Variants in CYP2B6 observed in about 807,000 individuals in gnomAD.
CYP2B6 encodes the protein cytochrome P450 family 2 subfamily B member 6.
A neutral mutation model predicts 43.4 loss-of-function variants in CYP2B6; 35 were observed. That is an observed-to-expected ratio of 0.81 (90% CI 0.62 to 1.07). The LOEUF is 1.07. Ranked by LOEUF, CYP2B6 falls within the 50% of genes least tolerant of loss-of-function variation. The pLI is 0.00. For missense variants in CYP2B6, 624 were observed against 632.8 expected (o/e 0.99, Z 0.15); for synonymous variants, 239 against 239.2 (o/e 1.00, Z 0.01).
chr19:41,014,987 G>T (rs1323658328), intron 8 of CYP2B6, among the ~76,000 whole-genome samples: 3 of 151,972 alleles, frequency 2.0e-5, no homozygotes, highest in African/African-American at 7.3e-5. Flanking sequence ...TTTAGAGGGA[G>T]ATGAAAAGAA....
chr19:40,994,807 G>A (rs895054732), intron 1 of CYP2B6, among the ~76,000 whole-genome samples: 28 of 152,032 alleles, frequency 1.8e-4, no homozygotes, highest in South Asian at 8.3e-4. Flanking sequence ...ATGTTATTAC[G>A]TACTGTTATT....
intron 4 of CYP2B6, 157 bp downstream of exon 4, chr19:41,007,222 G>C (rs966799332): frequency 1.4e-6 from 1 of 737,700 alleles, no homozygotes; most frequent in African/African-American, 1.7e-5. Flanking sequence ...CCTGGAGGGA[G>C]GAGAGACGGT....
At chr19:41,006,104 G>T (rs1489050481) in intron 3 of CYP2B6, among the ~76,000 whole-genome samples, 1 of 152,000 alleles carries the variant, frequency 6.6e-6, no homozygotes, top group Non-Finnish European at 1.5e-5. Context: ...CCCTAGATGT[G>T]GAAAGAAGAG....
chr19:40,997,752 G>A (rs528138899), intron 1 of CYP2B6, among the ~76,000 whole-genome samples: 1 of 152,154 alleles, frequency 6.6e-6, no homozygotes, highest in East Asian at 1.9e-4. Context: ...GACATGGAGG[G>A]AGCCAAGGAG....
At chr19:41,012,506 A>G (rs763897507) in intron 7 of CYP2B6, 21 bp downstream of exon 7, 3 of 1,613,934 alleles carry the variant, frequency 1.9e-6, no homozygotes, top group Admixed American at 3.3e-5. Context: ...CTGGAACCCC[A>G]TAGCCCTCCT....
chr19:41,015,359 C>T (rs536224364), intron 8 of CYP2B6, among the ~76,000 whole-genome samples: 1 of 152,298 alleles, frequency 6.6e-6, no homozygotes, highest in Admixed American at 6.5e-5. Flanking sequence ...GCTCATGTCA[C>T]CCACCTTCTG....
At chr19:41,005,581 A>G (rs1245428017) in intron 3 of CYP2B6, among the ~76,000 whole-genome samples, 196 of 152,044 alleles carry the variant, frequency 1.3e-3, no homozygotes, top group African/African-American at 4.6e-3. Flanking sequence ...AGCAGTTCAA[A>G]ACCAGCCTGG....
chr19:41,009,610 G>C, intron 5 of CYP2B6: 3 of 631,804 alleles, frequency 4.7e-6, no homozygotes, highest in Admixed American at 2.9e-5. Context: ...CTGAGACAGG[G>C]AGAGAGGGGA....
At position 41,006,954 on chromosome 19, in the gene CYP2B6, C is replaced by T. The variant is rs138257262; in HGVS notation, c.534C>T (p.Ile178=). The change falls in exon 4 of 9, where the codon ATC becomes ATT. Residue 178 remains isoleucine (I), a synonymous_variant. Transcript: ENST00000324071. ...TFLFQSITAN[I]ICSIVFGKRF... is the part of the protein sequence containing the mutation. ...TCTTCCAGTCCATTACCGCCAACAT[C>T]ATCTGCTCCATCGTCTTTGGAAAAC... 1 of 1,614,082 alleles carries T rather than the reference C, an allele frequency of 6.2e-7. No homozygotes were observed. Among genetic ancestry groups the T allele is most frequent in the Non-Finnish European group, 8.5e-7 (1 of 1,180,018 alleles).
chr19:41,004,184 G>C (rs1161548711), intron 2 of CYP2B6, 21 bp downstream of exon 2: 3 of 1,607,260 alleles, frequency 1.9e-6, no homozygotes, highest in Non-Finnish European at 2.6e-6. Flanking sequence ...CAGAGGCACT[G>C]GGAGGGGGCG....
intron 6 of CYP2B6, among the ~76,000 whole-genome samples, chr19:41,011,588 G>C (rs1969285364): frequency 6.6e-6 from 1 of 152,122 alleles, no homozygotes; most frequent in Non-Finnish European, 1.5e-5. Context: ...CTATTACACT[G>C]TTATATACCT....
rs1235871847 is a variant in CYP2B6 at position 41,012,323 on chromosome 19, G to A, written c.990G>A (p.Gln330=). 6.2e-7 allele frequency: 1 copy of A among 1,613,986 alleles called. No individual in the cohort carries two copies. The highest frequency in any genetic ancestry group is 2.2e-5 in the East Asian group (1 of 44,882). The change falls in exon 7 of 9, where the codon CAG becomes CAA. Residue 330 remains glutamine (Q), a synonymous_variant. Transcript: ENST00000324071. ...AGAGAGTCTACAGGGAGATTGAACAGGTGATTGGCCCACATCGCCCTCCAG... is the reference window on the plus strand; with the variant it reads ...AGAGAGTCTACAGGGAGATTGAACAAGTGATTGGCCCACATCGCCCTCCAG... ...VAERVYREIE[Q]VIGPHRPPEL... is the part of the protein sequence containing the mutation.
intron 4 of CYP2B6, chr19:41,007,386 G>A (rs1431963095): frequency 3.6e-5 from 13 of 362,708 alleles, no homozygotes; most frequent in South Asian, 1.7e-4. Flanking sequence ...ATGAGAATGA[G>A]TGTGAAAGAG....
Position 41,009,387 on chromosome 19 carries a change from A to C in CYP2B6, c.814A>C (p.Met272Leu), listed in dbSNP as rs1306761712. 7.1e-7 allele frequency: 1 copy of C among 1,415,028 alleles called. No individual in the cohort carries two copies. The highest frequency in any genetic ancestry group is 9.6e-7 in the Non-Finnish European group (1 of 1,044,144). 87.7% of individuals were successfully genotyped at this position (1,415,028 alleles called of 1,614,324 possible). A position where few individuals can be genotyped will look rare whatever the true frequency, so the allele number is the denominator to read the frequency against. The change falls in exon 5 of 9, where the codon ATG becomes CTG. Residue 272 changes from methionine (M) to leucine (L), a missense_variant. Coordinates refer to ENST00000324071, the MANE Select transcript of CYP2B6 (RefSeq NM_000767.5). Reference sequence around the variant, plus strand: ...CCTCATCGACACCTACCTGCTCCACATGGAAAAAGTGGGGTCTGGGAGAGG... The same window carrying C: ...CCTCATCGACACCTACCTGCTCCACCTGGAAAAAGTGGGGTCTGGGAGAGG... ...KDLIDTYLLH[M>L]EKEKSNAHSE...
chr19:40,992,078 T>C (rs1192893328), intron 1 of CYP2B6, among the ~76,000 whole-genome samples: 1 of 151,672 alleles, frequency 6.6e-6, no homozygotes, highest in East Asian at 1.9e-4. Flanking sequence ...GATGCGTGCC[T>C]GTAATCTCAG....
chr19:41,008,235 A>C, intron 4 of CYP2B6, among the ~76,000 whole-genome samples: 1 of 151,610 alleles, frequency 6.6e-6, no homozygotes, highest in Non-Finnish European at 1.5e-5. Context: ...GTTTTCAGAC[A>C]GTATCTTGCT....
Position 41,010,409 on chromosome 19 carries a change from GT to G in CYP2B6, c.964+287del, listed in dbSNP as rs57062123. 3.3e-3 allele frequency among the ~76,000 whole-genome samples: 465 copies of G among 140,878 alleles called. 1 individual carries two copies. The highest frequency in any genetic ancestry group is 9.0e-3 in the African/African-American group (346 of 38,648). The allele number at this position is 140,878 out of a possible 152,430, so 92.4% of individuals were successfully genotyped here. A position where few individuals can be genotyped will look rare whatever the true frequency, so the allele number is the denominator to read the frequency against. On this transcript the variant is annotated intron_variant, in intron 6 of 8. Coordinates refer to ENST00000324071, the MANE Select transcript of CYP2B6 (RefSeq NM_000767.5). ...TTGTTTGTTTGTTTTTTGTTTTTTG[GT>G]TTTTTTTTTTTTGTCTTTTTTGAGA...
intron 1 of CYP2B6, among the ~76,000 whole-genome samples, chr19:40,997,924 ACCTGG>A (rs892816401): frequency 1.7e-4 from 26 of 152,056 alleles, no homozygotes; most frequent in African/African-American, 6.0e-4. Flanking sequence ...ACCAAACAAG[ACCTGG>A]CTCTACAAAA....
At position 41,016,819 on chromosome 19, in the gene CYP2B6, C is replaced by T. The variant is rs1969377198; in HGVS notation, c.1468C>T (p.Pro490Ser). ...CCCAACATACCAGATCCGCTTCCTGCCCCGCTGAAGGGGCTGAGGGAAGGG... is the reference window on the plus strand; with the variant it reads ...CCCAACATACCAGATCCGCTTCCTGTCCCGCTGAAGGGGCTGAGGGAAGGG... ...IPPTYQIRFLPR is the reference protein window; with the variant it reads ...IPPTYQIRFLSR The change falls in exon 9 of 9, where the codon CCC becomes TCC. Residue 490 changes from proline to serine, a missense_variant. Transcript: ENST00000324071. The T allele has an allele frequency of 6.2e-7, 1 of 1,613,710 alleles. No homozygotes were observed.
Sources: allele counts gnomAD v4.1 joint callset (sites outside exome capture counted in the v4.1 genomes callset), GRCh38; gene constraint gnomAD v4.1.1; transcripts MANE v1.5; gene names NCBI Gene and HGNC (gene_info 2026-07-23, HGNC 2026-07-21).